Variants in FAM20B observed in about 807,000 individuals in gnomAD.
The protein encoded by FAM20B is glycosaminoglycan xylosylkinase.
A neutral mutation model predicts 43.8 loss-of-function variants in FAM20B; 23 were observed. That is an observed-to-expected ratio of 0.53 (90% CI 0.38 to 0.74). The LOEUF (loss-of-function observed/expected upper bound fraction) is 0.74, where lower values mean the gene tolerates loss of function less well. Among genes scored for constraint, FAM20B ranks in the 30% least tolerant of loss-of-function variants. FAM20B has a pLI of 0.00. For missense variants in FAM20B, 440 were observed against 510.5 expected (o/e 0.86, Z 1.33); for synonymous variants, 178 against 192.4 (o/e 0.93, Z 0.62).
chr1:179,045,660 T>C (rs1375969221), intron 2 of FAM20B, among the ~76,000 whole-genome samples: 1 of 152,108 alleles, frequency 6.6e-6, no homozygotes, highest in Non-Finnish European at 1.5e-5. Flanking sequence ...ATCCCAGCAC[T>C]TGGGGAGGCC....
At chr1:179,039,365 C>G (rs930670852) in intron 1 of FAM20B, among the ~76,000 whole-genome samples, 14 of 152,182 alleles carry the variant, frequency 9.2e-5, no homozygotes, top group African/African-American at 3.4e-4. Flanking sequence ...AGAGTGTGGT[C>G]AGCCCCATGC....
intron 1 of FAM20B, among the ~76,000 whole-genome samples, chr1:179,041,676 G>GAGAGGA (rs1267078494): frequency 1.3e-5 from 2 of 150,790 alleles, no homozygotes; most frequent in African/African-American, 2.5e-5. Flanking sequence ...GACAGGGAGG[G>GAGAGGA]AGAGGGAGAG....
chr1:179,063,980 G>C lies in FAM20B; in HGVS notation c.628G>C (p.Ala210Pro). ...KCYYCRETEP[A>P]CADGDIMEGS... ...CTATTACTGCCGAGAAACAGAACCAGCTTGTGCTGATGGAGACATAATGGA... is the reference window on the plus strand; with the variant it reads ...CTATTACTGCCGAGAAACAGAACCACCTTGTGCTGATGGAGACATAATGGA... Residue 210 changes from alanine to proline, a missense_variant, in exon 5 of 8, where the codon GCT (alanine) becomes CCT (proline). Transcript: ENST00000263733. The C allele has an allele frequency of 5.0e-6, 8 of 1,613,964 alleles. No individual in the cohort carries two copies. Among genetic ancestry groups the C allele is most frequent in the Non-Finnish European group, 5.9e-6 (7 of 1,179,878 alleles).
rs1652108781 is a variant in FAM20B at position 179,075,840 on chromosome 1, A to T, written c.*3696A>T. 1 of 151,576 alleles carries T rather than the reference A, an allele frequency of 6.6e-6. No homozygotes were observed. The highest frequency in any genetic ancestry group is 1.5e-5 in the Non-Finnish European group (1 of 67,946). The allele number at this position is 151,576 out of a possible 1,614,324, so 9.4% of individuals were successfully genotyped here. On this transcript the variant is annotated 3_prime_UTR_variant, in exon 8 of 8. Transcript: ENST00000263733. ...CATATTTCTTCAGCCTTTCTTCTCG[A>T]TCACCCGTGTATTCTTTGACCAGTA... is the stretch of plus-strand genomic sequence containing the variant.
At position 179,074,204 on chromosome 1, in the gene FAM20B, G is replaced by C. The variant is rs552920076; in HGVS notation, c.*2060G>C. ...AGAACAATGGGCTGAGTTATAAAAA[G>C]CGTGTATTGAATTTAAGAAGACAGA... On this transcript the variant is annotated 3_prime_UTR_variant, in exon 8 of 8. Coordinates refer to ENST00000263733, the MANE Select transcript of FAM20B (RefSeq NM_014864.4). 6.6e-6 allele frequency: 1 copy of C among 152,624 alleles called. No individual in the cohort carries two copies. The highest frequency in any genetic ancestry group is 2.1e-4 in the South Asian group (1 of 4,824). 9.5% of individuals were successfully genotyped at this position (152,624 alleles called of 1,614,324 possible). A position where few individuals can be genotyped will look rare whatever the true frequency, so the allele number is the denominator to read the frequency against.
chr1:179,031,607 G>A (rs1053497508), intron 1 of FAM20B, among the ~76,000 whole-genome samples: 1 of 152,182 alleles, frequency 6.6e-6, no homozygotes, highest in African/African-American at 2.4e-5. Context: ...TTCCTTCAGA[G>A]GGAACTTGTT....
intron 1 of FAM20B, among the ~76,000 whole-genome samples, chr1:179,027,162 C>G (rs78150002): frequency 6.6e-6 from 1 of 152,142 alleles, no homozygotes; most frequent in East Asian, 1.9e-4. Flanking sequence ...TAGCCTTTAG[C>G]CTTTAAACTG....
At position 179,063,999 on chromosome 1, in the gene FAM20B, T is replaced by C. The variant is rs1279211877; in HGVS notation, c.647T>C (p.Ile216Thr). 1 of 1,613,766 alleles carries C rather than the reference T, an allele frequency of 6.2e-7. No individual in the cohort carries two copies. The highest frequency in any genetic ancestry group is 8.5e-7 in the Non-Finnish European group (1 of 1,179,708). ...GAACCAGCTTGTGCTGATGGAGACA[T>C]AATGGAGGGATCTGTCACACTTTGG... is the stretch of plus-strand genomic sequence containing the variant. The part of the protein sequence containing the change: ...ETEPACADGD[I>T]MEGSVTLWLP... Residue 216 changes from isoleucine to threonine, a missense_variant, in exon 5 of 8, where the codon ATA (isoleucine) becomes ACA (threonine). Physicochemically the swap from Ile to Thr is moderately conservative, Grantham distance 89 (BLOSUM62 -1). Transcript: ENST00000263733.
chr1:179,038,407 A>G (rs1650342653), intron 1 of FAM20B, among the ~76,000 whole-genome samples: 1 of 102,568 alleles, frequency 9.7e-6, no homozygotes, highest in African/African-American at 4.8e-5. Flanking sequence ...GCGAAACTGC[A>G]TCTCAAAAAA....
intron 1 of FAM20B, 110 bp downstream of exon 1, chr1:179,026,208 C>A (rs1236302703): frequency 6.7e-6 from 1 of 149,914 alleles, no homozygotes; most frequent in Non-Finnish European, 1.5e-5. Context: ...GCGCGCCGGG[C>A]TGGGGCCGCC....
chr1:179,021,809 A>G (rs1649608416), upstream of FAM20B, among the ~76,000 whole-genome samples: 1 of 152,248 alleles, frequency 6.6e-6, no homozygotes, highest in Non-Finnish European at 1.5e-5. Context: ...GTGGTTGCTC[A>G]ACTCTGTAAA....
intron 1 of FAM20B, among the ~76,000 whole-genome samples, chr1:179,041,296 A>G (rs958216051): frequency 6.6e-6 from 1 of 152,316 alleles, no homozygotes. Flanking sequence ...TTGGGAGGCC[A>G]AGGCAGGCGG....
At chr1:179,017,927 G>C in the FAM20B span, among the ~76,000 whole-genome samples, 4 of 152,214 alleles carry the variant, frequency 2.6e-5, no homozygotes, top group African/African-American at 9.6e-5. Context: ...AATAGGAAAA[G>C]AGGAGAAAGG....
At chr1:179,044,790 A>G (rs1650695968) in intron 2 of FAM20B, among the ~76,000 whole-genome samples, 1 of 152,234 alleles carries the variant, frequency 6.6e-6, no homozygotes, top group African/African-American at 2.4e-5. Flanking sequence ...TGTGGACATA[A>G]ATTTTCAACT....
chr1:179,058,063 A>C (rs951791735), intron 4 of FAM20B, among the ~76,000 whole-genome samples: 6 of 152,250 alleles, frequency 3.9e-5, no homozygotes, highest in Non-Finnish European at 8.8e-5. Flanking sequence ...ACAGAAATTA[A>C]AATACATAGA....
rs143022449 is a variant in FAM20B at position 179,036,842 on chromosome 1, G to A, written c.-133-6873G>A. Among the ~76,000 whole-genome samples the A allele has an allele frequency of 1.3e-3, 205 of 152,312 alleles. 1 individual carries two copies. The highest frequency in any genetic ancestry group is 4.8e-3 in the African/African-American group (199 of 41,564). Reference sequence around the variant, plus strand: ...AAGTTACTTTAAGAGTGTAAGGAGGGACGAAAAATTGCCTTAGAGATGGCC... The same window carrying A: ...AAGTTACTTTAAGAGTGTAAGGAGGAACGAAAAATTGCCTTAGAGATGGCC... On this transcript the variant is annotated intron_variant, in intron 1 of 7. Coordinates refer to ENST00000263733, the MANE Select transcript of FAM20B (RefSeq NM_014864.4).
At chr1:179,066,490 T>C (rs1651694872) in intron 6 of FAM20B, among the ~76,000 whole-genome samples, 1 of 152,136 alleles carries the variant, frequency 6.6e-6, no homozygotes, top group African/African-American at 2.4e-5. Context: ...GGTCTTCAAG[T>C]TCTCCCTTTG....
At chr1:179,054,389 T>G (rs1651124888) in intron 3 of FAM20B, 140 bp from the exon 4 acceptor site, 1 of 548,282 alleles carries the variant, frequency 1.8e-6, no homozygotes. Flanking sequence ...CCTAAATATA[T>G]GTACCTCTAA....
chr1:179,050,866 A>G (rs1429989020), intron 3 of FAM20B, among the ~76,000 whole-genome samples: 1 of 152,222 alleles, frequency 6.6e-6, no homozygotes, highest in Admixed American at 6.5e-5. Flanking sequence ...TCATGCCTGT[A>G]ATCCCAACAC....
Sources: allele counts gnomAD v4.1 joint callset (sites outside exome capture counted in the v4.1 genomes callset), GRCh38; gene constraint gnomAD v4.1.1; transcripts MANE v1.5; gene names NCBI Gene and HGNC (gene_info 2026-07-23, HGNC 2026-07-21).